TAF15: variants seen among roughly 807,000 people sequenced by gnomAD.
TAF15 encodes TATA-box binding protein associated factor 15.
TAF15 carries 37 observed loss-of-function variants against 102.5 expected under a neutral mutation model. The observed-to-expected ratio is 0.36, with a 90% CI of 0.28 to 0.47. The LOEUF is 0.47. Ranked by LOEUF, TAF15 falls within the 20% of genes least tolerant of loss-of-function variation. TAF15 has a pLI of 0.99. For synonymous variants in TAF15, 273 were observed against 259.2 expected (o/e 1.05, Z -0.51); for missense variants, 652 against 760.7 (o/e 0.86, Z 1.68).
chr17:35,827,747 G>T (rs2143782991), intron 7 of TAF15, among the ~76,000 whole-genome samples: 1 of 152,120 alleles, frequency 6.6e-6, no homozygotes, highest in Non-Finnish European at 1.5e-5. Flanking sequence ...ATGAGGATTG[G>T]ATATAAGGTA....
intron 11 of TAF15, among the ~76,000 whole-genome samples, chr17:35,841,890 G>A (rs1407027983): frequency 6.6e-6 from 1 of 152,038 alleles, no homozygotes; most frequent in African/African-American, 2.4e-5. Flanking sequence ...CAGAGAAAGG[G>A]TCTCATTACG....
Position 35,822,677 on chromosome 17 carries a change from TATGGTCAACAAG to T in TAF15, c.331_342del (p.Gly111_Asp114del). 6.2e-7 allele frequency: 1 copy of T among 1,614,158 alleles called. No individual in the cohort carries two copies. Among genetic ancestry groups the T allele is most frequent in the East Asian group, 2.2e-5 (1 of 44,876 alleles). On this transcript the variant is annotated inframe_deletion, in exon 6 of 16. Transcript: ENST00000605844. ...AGCACCTTCCTATGACCAGCCAGAC[TATGGTCAACAAG>T]ATTCATATGACCAGCAGTCAGGCTA...
chr17:35,836,614 A>G (rs535527746), intron 10 of TAF15, among the ~76,000 whole-genome samples: 1 of 152,182 alleles, frequency 6.6e-6, no homozygotes, highest in Admixed American at 6.6e-5. Flanking sequence ...TGCTAGAGAT[A>G]ATACGTTATC....
intron 9 of TAF15, 93 bp downstream of exon 9, chr17:35,834,691 G>C: frequency 8.4e-7 from 1 of 1,184,688 alleles, no homozygotes; most frequent in South Asian, 1.3e-5. Flanking sequence ...GCTTAGTACA[G>C]GAGGAAGATT....
chr17:35,812,833 T>G (rs1179743663), intron 1 of TAF15, among the ~76,000 whole-genome samples: 1 of 151,858 alleles, frequency 6.6e-6, no homozygotes, highest in Non-Finnish European at 1.5e-5. Flanking sequence ...GAATCAACCC[T>G]AAGATCAAGG....
intron 11 of TAF15, among the ~76,000 whole-genome samples, chr17:35,839,135 C>T (rs914891811): frequency 6.7e-6 from 1 of 148,460 alleles, no homozygotes; most frequent in African/African-American, 2.5e-5. Flanking sequence ...TTTTAAATAA[C>T]CTGGACGTGG....
At chr17:35,822,231 C>G (rs2087269075) in intron 5 of TAF15, among the ~76,000 whole-genome samples, 1 of 151,592 alleles carries the variant, frequency 6.6e-6, no homozygotes, top group African/African-American at 2.4e-5. Context: ...ATCTGAGCTA[C>G]TCGGGAGGCT....
chr17:35,817,213 A>G (rs559128029), intron 1 of TAF15: 1 of 151,584 alleles, frequency 6.6e-6, no homozygotes, highest in Non-Finnish European at 1.4e-5. Flanking sequence ...AGAGCAACTA[A>G]CTTAGCTGCT....
At chr17:35,841,189 A>G (rs1216264875) in intron 11 of TAF15, among the ~76,000 whole-genome samples, 1 of 152,256 alleles carries the variant, frequency 6.6e-6, no homozygotes, top group Non-Finnish European at 1.5e-5. Context: ...TGATAAAAAA[A>G]ATTTCAAATG....
At position 35,844,732 on chromosome 17, in the gene TAF15, G is replaced by T; in HGVS notation, c.1433G>T (p.Gly478Val). 2.5e-6 allele frequency: 4 copies of T among 1,609,988 alleles called. No homozygotes were observed. Among genetic ancestry groups the T allele is most frequent in the Non-Finnish European group, 3.4e-6 (4 of 1,178,248 alleles). Reference protein sequence around the residue: ...GGGYGGDRGGGYGGDRGGYGG... With the variant: ...GGGYGGDRGGVYGGDRGGYGG... ...GGCTATGGAGGAGACCGAGGAGGTG[G>T]CTATGGAGGAGATCGAGGTGGCTAT... is the stretch of plus-strand genomic sequence containing the variant. Residue 478 changes from glycine to valine, a missense_variant, in exon 15 of 16, where the codon GGC (glycine) becomes GTC (valine). Around this residue, in one of 3 missense-constraint regions of TAF15, gnomAD observed 368 missense variants for 367.5 expected, o/e 1.00. Coordinates refer to ENST00000605844, the MANE Select transcript of TAF15 (RefSeq NM_139215.3).
Position 35,836,242 on chromosome 17 carries a change from G to T in TAF15, c.783+1G>T. 6.4e-7 allele frequency: 1 copy of T among 1,573,742 alleles called. No homozygotes were observed. The highest frequency in any genetic ancestry group is 8.7e-7 in the Non-Finnish European group (1 of 1,143,732). ...CTTTAAACAAATAGGAATTATCAAG[G>T]TGAGTAAAAATATTATATGTTGAAA... On this transcript the variant is annotated splice_donor_variant, in intron 10 of 15. Transcript: ENST00000605844. LOFTEE classifies it high-confidence loss of function.
intron 1 of TAF15, among the ~76,000 whole-genome samples, chr17:35,815,027 A>C (rs1056257373): frequency 1.3e-5 from 2 of 152,196 alleles, no homozygotes; most frequent in African/African-American, 4.8e-5. Flanking sequence ...AATATGAGTG[A>C]TACAACTAAT....
intron 11 of TAF15, among the ~76,000 whole-genome samples, chr17:35,839,072 C>G (rs2087509452): frequency 6.6e-6 from 1 of 151,700 alleles, no homozygotes; most frequent in Non-Finnish European, 1.5e-5. Context: ...TGGAGACCAG[C>G]CTGGGCAACA....
At chr17:35,827,248 A>G (rs1029370111) in intron 7 of TAF15, among the ~76,000 whole-genome samples, 1 of 151,458 alleles carries the variant, frequency 6.6e-6, no homozygotes, top group South Asian at 2.1e-4. Context: ...AGGGAGGAGA[A>G]TGGTGTGAAC....
intron 1 of TAF15, among the ~76,000 whole-genome samples, chr17:35,813,857 G>A (rs904888373): frequency 1.3e-5 from 2 of 152,108 alleles, no homozygotes; most frequent in Non-Finnish European, 2.9e-5. Flanking sequence ...TAACCTACTA[G>A]AGAAAATAGG....
intron 1 of TAF15, among the ~76,000 whole-genome samples, chr17:35,816,544 C>T (rs912641446): frequency 6.6e-6 from 1 of 152,178 alleles, no homozygotes; most frequent in African/African-American, 2.4e-5. Context: ...TATTTGACAA[C>T]AGTGATTTTT....
intron 2 of TAF15, chr17:35,818,412 T>C (rs1192137459): frequency 6.6e-6 from 1 of 152,370 alleles, no homozygotes; most frequent in Non-Finnish European, 1.5e-5. Flanking sequence ...TTCTTAAATC[T>C]GTTTGCATCA....
At position 35,844,581 on chromosome 17, in the gene TAF15, G is replaced by T. The variant is rs749087298; in HGVS notation, c.1282G>T (p.Gly428Cys). The T allele has an allele frequency of 6.2e-7, 1 of 1,600,308 alleles. No homozygotes were observed. The highest frequency in any genetic ancestry group is 1.3e-5 in the African/African-American group (1 of 74,368). The change falls in exon 15 of 16, where the codon GGT (glycine) becomes TGT (cysteine). Residue 428 changes from glycine (G) to cysteine (C), a missense_variant. This residue lies in a region of TAF15 where 368 missense variants were observed against 367.5 expected (regional missense o/e 1.00). Transcript: ENST00000605844. Reference sequence around the variant, plus strand: ...TGGAGACAGAAGTGGGGGTGGCTATGGTGGAGACAGAAGCAGCGGTGGTGG... The same window carrying T: ...TGGAGACAGAAGTGGGGGTGGCTATTGTGGAGACAGAAGCAGCGGTGGTGG... ...YGGDRSGGGYGGDRSSGGGYS... is the reference protein window; with the variant it reads ...YGGDRSGGGYCGDRSSGGGYS...
At chr17:35,814,266 C>T (rs1285786548) in intron 1 of TAF15, among the ~76,000 whole-genome samples, 1 of 151,662 alleles carries the variant, frequency 6.6e-6, no homozygotes, top group Non-Finnish European at 1.5e-5. Flanking sequence ...CCTGGGTTCA[C>T]GCCATTCTCC....
Sources: allele counts gnomAD v4.1 joint callset (sites outside exome capture counted in the v4.1 genomes callset), GRCh38; gene constraint gnomAD v4.1.1; regional missense constraint gnomAD v4.1.1; transcripts MANE v1.5; gene names NCBI Gene and HGNC (gene_info 2026-07-23, HGNC 2026-07-21).